FRMD8: variants seen among roughly 807,000 people sequenced by gnomAD.
FRMD8 encodes the protein FERM domain-containing protein 8.
In FRMD8, 37 loss-of-function variants were observed where a neutral mutation model predicts 54.2. That is an observed-to-expected ratio of 0.68 (90% CI 0.53 to 0.90). FRMD8 has a LOEUF of 0.90. Ranked by LOEUF, FRMD8 falls within the 40% of genes least tolerant of loss-of-function variation. The pLI, the probability that FRMD8 is intolerant of heterozygous loss-of-function variation, is 0.00. For synonymous variants in FRMD8, 246 were observed against 286.9 expected (o/e 0.86, Z 1.44); for missense variants, 585 against 653.7 (o/e 0.89, Z 1.15).
At chr11:65,371,907 C>T in the FRMD8 span, among the ~76,000 whole-genome samples, 1 of 151,694 alleles carries the variant, frequency 6.6e-6, no homozygotes. Flanking sequence ...AGCCACGAAG[C>T]CCGGCTAAAT....
chr11:65,391,177 CTG>C (rs1327171945), intron 3 of FRMD8, among the ~76,000 whole-genome samples: 4 of 152,362 alleles, frequency 2.6e-5, no homozygotes, highest in African/African-American at 9.6e-5. Context: ...CGTTGTCACT[CTG>C]CGTGGAACAG....
Position 65,411,623 on chromosome 11 carries a change from C to G in FRMD8, c.*263C>G. ...GCTGGGCCCTGCTGCTCTCTCAGGA[C>G]CATCCGATCAAGCTGCAGCTGCCAC... On this transcript the variant is annotated 3_prime_UTR_variant, in exon 11 of 11. Coordinates refer to ENST00000317568, the MANE Select transcript of FRMD8 (RefSeq NM_031904.5). 2.8e-6 allele frequency: 1 copy of G among 363,244 alleles called. No homozygotes were observed. The highest frequency in any genetic ancestry group is 4.4e-5 in the East Asian group (1 of 22,864). 22.5% of individuals were successfully genotyped at this position (363,244 alleles called of 1,614,324 possible).
In FRMD8 at chr11:65,411,506, A is replaced by ACTTTTGGGCTCC. The variant is rs1459112572; in HGVS notation, c.*155_*156insTCCCTTTTGGGC. Reference sequence around the variant, plus strand: ...AGGTTTCTCAGACCACGGAGAAGTGACTTTTGGGCCCGGGGCCATGCCCGG... The same window carrying ACTTTTGGGCTCC: ...AGGTTTCTCAGACCACGGAGAAGTGACTTTTGGGCTCCCTTTTGGGCCCGGGGCCATGCCCGG... On this transcript the variant is annotated 3_prime_UTR_variant, in exon 11 of 11. Coordinates refer to ENST00000317568, the MANE Select transcript of FRMD8 (RefSeq NM_031904.5). 9.0e-6 allele frequency: 5 copies of ACTTTTGGGCTCC among 556,366 alleles called. No homozygotes were observed. In the African/African-American group the frequency reaches 9.7e-5, roughly 11 times the overall value. The allele number at this position is 556,366 out of a possible 1,614,324, so 34.5% of individuals were successfully genotyped here. A position where few individuals can be genotyped will look rare whatever the true frequency, so the allele number is the denominator to read the frequency against.
At chr11:65,376,726 T>TC in the FRMD8 span, 1 of 1,613,712 alleles carries the variant, frequency 6.2e-7, no homozygotes, top group Non-Finnish European at 8.5e-7. Flanking sequence ...CAGAGCATCC[T>TC]CCCCAGACCC....
At chr11:65,387,203 C>A (rs758840411) in intron 2 of FRMD8, 82 bp downstream of exon 2, 1 of 1,107,410 alleles carries the variant, frequency 9.0e-7, no homozygotes, top group East Asian at 2.3e-5. Flanking sequence ...TCTTCTTTTT[C>A]ATTAAAGATA....
upstream of FRMD8, among the ~76,000 whole-genome samples, chr11:65,385,991 T>C (rs59955766): frequency 7.0e-4 from 106 of 151,776 alleles, no homozygotes; most frequent in East Asian, 0.019. Context: ...AGAGACGGGG[T>C]TTCATCGTGT....
chr11:65,400,289 G>C lies in FRMD8; in HGVS notation c.927+430G>C, dbSNP rs1342042900. 6.6e-6 allele frequency among the ~76,000 whole-genome samples: 1 copy of C among 152,180 alleles called. No homozygotes were observed. Among genetic ancestry groups the C allele is most frequent in the African/African-American group, 2.4e-5 (1 of 41,448 alleles). ...CTGTGGGGCAGATTACCTGTCCCTG[G>C]ACAGAAATTTGCTCCTAAGCCAGCA... On this transcript the variant is annotated intron_variant, in intron 8 of 10. Coordinates refer to ENST00000317568, the MANE Select transcript of FRMD8 (RefSeq NM_031904.5). This position sits in a 1 kb window ranked among gnomAD's most constrained non-coding sequence, Gnocchi z 4.3.
rs188004154 is a variant in FRMD8, at chr11:65,393,540, G to A, written c.254-33G>A. The A allele has an allele frequency of 3.8e-5, 59 of 1,549,402 alleles. No individual in the cohort carries two copies. In the East Asian group the frequency reaches 1.3e-3, roughly 33 times the overall value. On this transcript the variant is annotated intron_variant, in intron 3 of 10. Coordinates refer to ENST00000317568, the MANE Select transcript of FRMD8 (RefSeq NM_031904.5). ...AGGGCAGCCACTGGACTGGCCGGAG[G>A]CTGCATGGGCCACTCCCCATCTCGT...
At chr11:65,389,632 C>A (rs1179648541) in intron 3 of FRMD8, 104 bp downstream of exon 3, 2 of 1,220,562 alleles carry the variant, frequency 1.6e-6, no homozygotes, top group Admixed American at 2.3e-5. Context: ...CCGCTGGCCA[C>A]TGCCCATGGG....
chr11:65,379,971 G>A, the FRMD8 span: 14 of 1,613,382 alleles, frequency 8.7e-6, no homozygotes, highest in African/African-American at 1.3e-5. Context: ...TAGGGTGGCG[G>A]GATGGGCAGG....
upstream of FRMD8, chr11:65,383,192 C>G (rs1412567156): frequency 7.2e-5 from 11 of 152,896 alleles, no homozygotes; most frequent in Admixed American, 7.2e-4. Context: ...AGCTCCTAGT[C>G]TCCCATGGGG....
In FRMD8 at chr11:65,400,939, G is replaced by A. The variant is rs999253386; in HGVS notation, c.1071+72G>A. The stretch of plus-strand genomic sequence containing the variant: ...TGCCCTGGGTCCCAGACAATTAGAG[G>A]CACCAGGCTGGCGGGCAAGGAGGTG... On this transcript the variant is annotated intron_variant, in intron 9 of 10. Coordinates refer to ENST00000317568, the MANE Select transcript of FRMD8 (RefSeq NM_031904.5). The surrounding 1 kb of genome is among the most constrained non-coding windows in gnomAD (Gnocchi z 4.3). The A allele has an allele frequency of 3.4e-6, 5 of 1,482,048 alleles. No individual in the cohort carries two copies. The highest frequency in any genetic ancestry group is 1.4e-5 in the African/African-American group (1 of 70,816). The allele number at this position is 1,482,048 out of a possible 1,614,324, so 91.8% of individuals were successfully genotyped here.
chr11:65,370,572 G>C, the FRMD8 span, among the ~76,000 whole-genome samples: 3 of 150,948 alleles, frequency 2.0e-5, no homozygotes, highest in Non-Finnish European at 4.4e-5. Context: ...GTGATGGCGG[G>C]TGCCTGTAAT....
chr11:65,376,768 G>T, the FRMD8 span: 1 of 1,613,948 alleles, frequency 6.2e-7, no homozygotes, highest in Non-Finnish European at 8.5e-7. Flanking sequence ...GCTGGACCCT[G>T]CCTGCTACCC....
Position 65,411,252 on chromosome 11 carries a change from C to T in FRMD8, c.1287C>T (p.Ile429=). 3 of 1,606,916 alleles carry T rather than the reference C, an allele frequency of 1.9e-6. No homozygotes were observed. The Admixed American group carries it at 5.0e-5, about 27-fold the overall frequency. The change falls in exon 11 of 11, where the codon ATC becomes ATT. Residue 429 remains isoleucine (I), a synonymous_variant. Coordinates refer to ENST00000317568, the MANE Select transcript of FRMD8 (RefSeq NM_031904.5). ...TIDYVEDGKG[I]RRVKPKRTTS... ...CCCATTCCCTCGCAGGCAAGGGGAT[C>T]AGGCGAGTGAAGCCGAAGCGCACCA...
chr11:65,373,448 C>T, the FRMD8 span, among the ~76,000 whole-genome samples: 5 of 152,234 alleles, frequency 3.3e-5, no homozygotes, highest in African/African-American at 9.6e-5. Flanking sequence ...CCCCAGAACA[C>T]CGATTCTTAA....
At chr11:65,406,416 G>T (rs540934040) in intron 10 of FRMD8, among the ~76,000 whole-genome samples, 9 of 150,850 alleles carry the variant, frequency 6.0e-5, no homozygotes, top group African/African-American at 1.7e-4. Flanking sequence ...GGATGGTCTC[G>T]ATCTCCTGAC....
At chr11:65,391,030 C>G (rs546686226) in intron 3 of FRMD8, among the ~76,000 whole-genome samples, 1 of 152,394 alleles carries the variant, frequency 6.6e-6, no homozygotes, top group African/African-American at 2.4e-5. Context: ...TTTCCCCCGG[C>G]CCCTGCACCC....
chr11:65,376,791 C>T, the FRMD8 span: 7 of 1,614,094 alleles, frequency 4.3e-6, no homozygotes, highest in African/African-American at 9.3e-5. Context: ...ACCTCTGTCC[C>T]CCATCCTCTC....
Sources: gnomAD v4.1 joint callset for allele counts (sites outside exome capture counted in the v4.1 genomes callset) on GRCh38, gnomAD v4.1.1 for gene constraint, Gnocchi (gnomAD v3.1) non-coding constraint, MANE v1.5 for transcripts, NCBI Gene and HGNC (gene_info 2026-07-23, HGNC 2026-07-21) for gene names.